Variants in CNTF observed in about 807,000 individuals in gnomAD.
CNTF encodes ciliary neurotrophic factor.
In CNTF, 14 loss-of-function variants were observed where a neutral mutation model predicts 13.0. The ratio of observed to expected loss-of-function variants is 1.07; its 90% CI spans 0.71 to 1.68. The LOEUF is 1.68. CNTF is among the 40% of genes most tolerant of loss of function. CNTF has a pLI of 0.00. For missense variants in CNTF, 283 were observed against 252.5 expected, an observed-to-expected ratio of 1.12 and a Z score of -0.82; for synonymous variants, 98 against 92.4, an observed-to-expected ratio of 1.06 and a Z score of -0.35.
chr11:58,623,444 G>A (rs1280550198), intron 1 of CNTF, among the ~76,000 whole-genome samples: 1 of 152,214 alleles, frequency 6.6e-6, no homozygotes, highest in Non-Finnish European at 1.5e-5. Flanking sequence ...TAATTCTGGA[G>A]TTCCAGATTT....
At position 58,624,856 on chromosome 11, in the gene CNTF, G is replaced by C; in HGVS notation, c.*334G>C. On this transcript the variant is annotated 3_prime_UTR_variant, in exon 2 of 2. Transcript: ENST00000361987. ...TCTAACCCACTAAGTAACCTCTACAGGCATTTAACTGCCTTACAGACAGAA... is the reference window on the plus strand; with the variant it reads ...TCTAACCCACTAAGTAACCTCTACACGCATTTAACTGCCTTACAGACAGAA... 2 of 293,590 alleles carry C rather than the reference G, an allele frequency of 6.8e-6. 1 individual carries two copies. Among genetic ancestry groups the C allele is most frequent in the South Asian group, 7.5e-5 (2 of 26,512 alleles). The allele number at this position is 293,590 out of a possible 1,614,324, so 18.2% of individuals were successfully genotyped here.
chr11:58,624,920 G>T lies in CNTF; in HGVS notation c.*398G>T. The T allele has an allele frequency of 5.3e-6, 1 of 188,252 alleles. No individual in the cohort carries two copies. The highest frequency in any genetic ancestry group is 1.5e-4 in the East Asian group (1 of 6,788). 11.7% of individuals were successfully genotyped at this position (188,252 alleles called of 1,614,324 possible). A position where few individuals can be genotyped will look rare whatever the true frequency, so the allele number is the denominator to read the frequency against. ...ATTCTAGTCCTGGATGACTCGGTCT[G>T]AGAAGATTCAATTTAAAATCAGACT... On this transcript the variant is annotated 3_prime_UTR_variant, in exon 2 of 2. Transcript: ENST00000361987.
At position 58,623,995 on chromosome 11, in the gene CNTF, A is replaced by G. The variant is rs575238870; in HGVS notation, c.115-39A>G. The G allele has an allele frequency of 1.0e-5, 16 of 1,602,308 alleles. No homozygotes were observed. In the South Asian group the frequency reaches 1.7e-4, roughly 17 times the overall value. ...GGGGTGATTTAAGGACACTGGGGTG[A>G]TGACAGAAGATGTGGTGTTTTCCTG... is the stretch of plus-strand genomic sequence containing the variant. On this transcript the variant is annotated intron_variant, in intron 1 of 1. Coordinates refer to ENST00000361987, the MANE Select transcript of CNTF (RefSeq NM_000614.4).
rs374647160 is a variant in CNTF at position 58,624,032 on chromosome 11, A to G, written c.115-2A>G. ...GTGGTGTTTTCCTGTATCCTCGGCC[A>G]GGTGAAGCATCAGGGCCTGAACAAG... On this transcript the variant is annotated splice_acceptor_variant, in intron 1 of 1. Coordinates refer to ENST00000361987, the MANE Select transcript of CNTF (RefSeq NM_000614.4). LOFTEE classifies it high-confidence loss of function. 4 of 1,611,912 alleles carry G rather than the reference A, an allele frequency of 2.5e-6. No individual in the cohort carries two copies. Among genetic ancestry groups the G allele is most frequent in the Middle Eastern group, 1.7e-4 (1 of 6,058 alleles).
rs1272362290 is a variant in CNTF, at chr11:58,624,552, C to G, written c.*30C>G. ...TAGTCCCTTCTCTCTTCCTTGCTTT[C>G]TCTTCTAATGGAATATGCGTAGTTC... On this transcript the variant is annotated 3_prime_UTR_variant, in exon 2 of 2. Transcript: ENST00000361987. 2 of 1,610,630 alleles carry G rather than the reference C, an allele frequency of 1.2e-6. No individual in the cohort carries two copies. Among genetic ancestry groups the G allele is most frequent in the Admixed American group, 1.7e-5 (1 of 60,018 alleles).
chr11:58,624,904 C>T lies in CNTF; in HGVS notation c.*382C>T. 5.0e-6 allele frequency: 1 copy of T among 200,586 alleles called. No homozygotes were observed. Among genetic ancestry groups the T allele is most frequent in the South Asian group, 8.9e-5 (1 of 11,276 alleles). 12.4% of individuals were successfully genotyped at this position (200,586 alleles called of 1,614,324 possible). Reference sequence around the variant, plus strand: ...GAATATACATATGTTAATTCTAGTCCTGGATGACTCGGTCTGAGAAGATTC... The same window carrying T: ...GAATATACATATGTTAATTCTAGTCTTGGATGACTCGGTCTGAGAAGATTC... On this transcript the variant is annotated 3_prime_UTR_variant, in exon 2 of 2. Transcript: ENST00000361987.
rs187435172 is a variant in CNTF, at chr11:58,625,353, A to G, written c.*831A>G. On this transcript the variant is annotated 3_prime_UTR_variant, in exon 2 of 2. Transcript: ENST00000361987. ...AATTTTAGCGTTAAAGTCAGGATTT[A>G]TTGTTCATACTTGGCGGTGAGGAGG... The G allele has an allele frequency of 2.0e-5, 3 of 152,296 alleles. No homozygotes were observed. The highest frequency in any genetic ancestry group is 2.9e-5 in the Non-Finnish European group (2 of 68,016). The allele number at this position is 152,296 out of a possible 1,614,324, so 9.4% of individuals were successfully genotyped here.
rs1855911767 is a variant in CNTF at position 58,625,041 on chromosome 11, A to G, written c.*519A>G. 1 of 159,964 alleles carries G rather than the reference A, an allele frequency of 6.3e-6. No individual in the cohort carries two copies. The highest frequency in any genetic ancestry group is 6.0e-5 in the Admixed American group (1 of 16,624). 9.9% of individuals were successfully genotyped at this position (159,964 alleles called of 1,614,324 possible). A position where few individuals can be genotyped will look rare whatever the true frequency, so the allele number is the denominator to read the frequency against. Reference sequence around the variant, plus strand: ...CAGTATGCCAAGGGTCTTTATGTATATTATGTACAGCGTTTACAACCTTGT... The same window carrying G: ...CAGTATGCCAAGGGTCTTTATGTATGTTATGTACAGCGTTTACAACCTTGT... On this transcript the variant is annotated 3_prime_UTR_variant, in exon 2 of 2. Transcript: ENST00000361987.
Position 58,624,061 on chromosome 11 carries a change from A to G in CNTF, c.142A>G (p.Ile48Val), listed in dbSNP as rs1396211642. The G allele has an allele frequency of 1.9e-6, 3 of 1,612,036 alleles. No homozygotes were observed. ...YVKHQGLNKN[I>V]NLDSADGMPV... ...GAAGCATCAGGGCCTGAACAAGAACATCAACCTGGACTCTGCGGATGGGAT... is the reference window on the plus strand; with the variant it reads ...GAAGCATCAGGGCCTGAACAAGAACGTCAACCTGGACTCTGCGGATGGGAT... The change falls in exon 2 of 2, where the codon ATC (isoleucine) becomes GTC (valine). Residue 48 changes from isoleucine to valine, a missense_variant. Ile to Val is a conservative substitution (Grantham distance 29). Coordinates refer to ENST00000361987, the MANE Select transcript of CNTF (RefSeq NM_000614.4).
rs758995566 is a variant in CNTF, at chr11:58,622,913, GAT to G, written c.114+48_114+49del. The G allele has an allele frequency of 1.4e-4, 187 of 1,368,410 alleles. 3 individuals carry two copies. Among genetic ancestry groups the G allele is most frequent in the East Asian group, 8.9e-4 (38 of 42,788 alleles). 84.8% of individuals were successfully genotyped at this position (1,368,410 alleles called of 1,614,324 possible). On this transcript the variant is annotated intron_variant, in intron 1 of 1. Coordinates refer to ENST00000361987, the MANE Select transcript of CNTF (RefSeq NM_000614.4). Reference sequence around the variant, plus strand: ...TATCTGTTTTCCCTTCATCTTTTTTGATCCAGCAACTTACCATCACGCATCAG... The same window carrying G: ...TATCTGTTTTCCCTTCATCTTTTTTGCCAGCAACTTACCATCACGCATCAG...
At position 58,624,463 on chromosome 11, in the gene CNTF, C is replaced by T. The variant is rs1225769084; in HGVS notation, c.544C>T (p.His182Tyr). The T allele has an allele frequency of 6.2e-7, 1 of 1,613,986 alleles. No individual in the cohort carries two copies. The highest frequency in any genetic ancestry group is 8.5e-7 in the Non-Finnish European group (1 of 1,179,962). ...CCATGACCTTCGTTTCATTTCTTCTCATCAGACTGGGATCCCAGCACGTGG... is the reference window on the plus strand; with the variant it reads ...CCATGACCTTCGTTTCATTTCTTCTTATCAGACTGGGATCCCAGCACGTGG... ...SIHDLRFISSHQTGIPARGSH... is the reference protein window; with the variant it reads ...SIHDLRFISSYQTGIPARGSH... The change falls in exon 2 of 2, where the codon CAT (histidine) becomes TAT (tyrosine). Residue 182 changes from histidine to tyrosine, a missense_variant. Physicochemically the swap from His to Tyr is moderately conservative, Grantham distance 83. Coordinates refer to ENST00000361987, the MANE Select transcript of CNTF (RefSeq NM_000614.4).
chr11:58,622,746 T>C lies in CNTF; in HGVS notation c.-7T>C. The stretch of plus-strand genomic sequence containing the variant: ...TGACTTGTTTCCTGGGACAGTTGAG[T>C]TAAGGGATGGCTTTCACAGAGCATT... On this transcript the variant is annotated 5_prime_UTR_variant, in exon 1 of 2. Coordinates refer to ENST00000361987, the MANE Select transcript of CNTF (RefSeq NM_000614.4). The C allele has an allele frequency of 6.2e-7, 1 of 1,609,774 alleles. No individual in the cohort carries two copies.
At position 58,622,835 on chromosome 11, in the gene CNTF, G is replaced by A. The variant is rs139149169; in HGVS notation, c.83G>A (p.Arg28His). 8.0e-4 allele frequency: 1,297 copies of A among 1,613,896 alleles called. 1 individual carries two copies. The highest frequency in any genetic ancestry group is 1.0e-3 in the Non-Finnish European group (1,220 of 1,179,874). ...TCTATCTGGCTAGCAAGGAAGATTC[G>A]TTCAGACCTGACTGCTCTTACGGAA... ...SRSIWLARKI[R>H]SDLTALTESY... is the part of the protein sequence containing the mutation. Residue 28 changes from arginine (R) to histidine (H), a missense_variant, in exon 1 of 2, where the codon CGT becomes CAT. Arg to His is a conservative substitution (Grantham distance 29). Transcript: ENST00000361987.
chr11:58,622,741 T>C lies in CNTF; in HGVS notation c.-12T>C, dbSNP rs375396915. ...CCAGCTGACTTGTTTCCTGGGACAG[T>C]TGAGTTAAGGGATGGCTTTCACAGA... On this transcript the variant is annotated 5_prime_UTR_variant, in exon 1 of 2. Transcript: ENST00000361987. 3.0e-5 allele frequency: 48 copies of C among 1,604,658 alleles called. No homozygotes were observed. The highest frequency in any genetic ancestry group is 3.8e-5 in the Non-Finnish European group (45 of 1,171,742).
In CNTF at chr11:58,624,083, G is replaced by A; in HGVS notation, c.164G>A (p.Gly55Glu). ...AACATCAACCTGGACTCTGCGGATG[G>A]GATGCCAGTGGCAAGCACTGATCAG... ...NKNINLDSAD[G>E]MPVASTDQWS... The change falls in exon 2 of 2, where the codon GGG becomes GAG. Residue 55 changes from glycine (G) to glutamate (E), a missense_variant. Gly to Glu is a moderately conservative substitution (Grantham distance 98). Coordinates refer to ENST00000361987, the MANE Select transcript of CNTF (RefSeq NM_000614.4). 1 of 1,611,608 alleles carries A rather than the reference G, an allele frequency of 6.2e-7. No individual in the cohort carries two copies. Among genetic ancestry groups the A allele is most frequent in the Non-Finnish European group, 8.5e-7 (1 of 1,178,652 alleles).
intron 1 of CNTF, 45 bp downstream of exon 1, chr11:58,622,911 T>C (rs769023999): frequency 1.4e-6 from 2 of 1,381,990 alleles, no homozygotes; most frequent in Non-Finnish European, 2.0e-6. Flanking sequence ...TTCATCTTTT[T>C]TGATCCAGCA....
Position 58,624,154 on chromosome 11 carries a change from G to T in CNTF, c.235G>T (p.Ala79Ser). 3.7e-6 allele frequency: 6 copies of T among 1,614,022 alleles called. No homozygotes were observed. The highest frequency in any genetic ancestry group is 5.1e-6 in the Non-Finnish European group (6 of 1,179,962). ...AGAGCGACTCCAAGAGAACCTTCAA[G>T]CTTATCGTACCTTCCATGTTTTGTT... ...EAERLQENLQAYRTFHVLLAR... is the reference protein window; with the variant it reads ...EAERLQENLQSYRTFHVLLAR... Residue 79 changes from alanine to serine, a missense_variant, in exon 2 of 2, where the codon GCT becomes TCT. Transcript: ENST00000361987.
At position 58,622,779 on chromosome 11, in the gene CNTF, G is replaced by A. The variant is rs1382745057; in HGVS notation, c.27G>A (p.Leu9=). ...TGGCTTTCACAGAGCATTCACCGCT[G>A]ACCCCTCACCGTCGGGACCTCTGTA... is the stretch of plus-strand genomic sequence containing the variant. MAFTEHSP[L]TPHRRDLCSR... The change falls in exon 1 of 2, where the codon CTG becomes CTA. Residue 9 remains leucine, a synonymous_variant. Transcript: ENST00000361987. The A allele has an allele frequency of 1.2e-6, 2 of 1,613,968 alleles. No homozygotes were observed. The highest frequency in any genetic ancestry group is 1.7e-6 in the Non-Finnish European group (2 of 1,179,928).
intron 1 of CNTF, among the ~76,000 whole-genome samples, 153 bp from the exon 2 acceptor site, chr11:58,623,881 A>G (rs1855887922): frequency 1.3e-5 from 2 of 152,188 alleles, no homozygotes; most frequent in Non-Finnish European, 2.9e-5. Flanking sequence ...CATAGAGCCC[A>G]AATTAAGAGT....
Sources: gnomAD v4.1 joint callset for allele counts (sites outside exome capture counted in the v4.1 genomes callset) on GRCh38, gnomAD v4.1.1 for gene constraint, MANE v1.5 for transcripts, NCBI Gene and HGNC (gene_info 2026-07-23, HGNC 2026-07-21) for gene names.